FBXL17: variants seen among roughly 807,000 people sequenced by gnomAD.
FBXL17 encodes F-box and leucine rich repeat protein 17, also known as F-box/LRR-repeat protein 17.
In FBXL17, 22 loss-of-function variants were observed where a neutral mutation model predicts 66.2. The observed-to-expected ratio is 0.33, with a 90% confidence interval of 0.24 to 0.47. The LOEUF (loss-of-function observed/expected upper bound fraction) is 0.47, where lower values mean the gene tolerates loss of function less well. Among genes scored for constraint, FBXL17 ranks in the 20% least tolerant of loss-of-function variants. The probability of loss-of-function intolerance (pLI) is 1.00; values close to 1 mark genes in which losing one functional copy is unlikely to be tolerated. For synonymous variants in FBXL17, 474 were observed against 400.5 expected, an observed-to-expected ratio of 1.18 and a Z score of -2.19; for missense variants, 878 against 948.2, an observed-to-expected ratio of 0.93 and a Z score of 0.97.
At chr5:108,231,193 C>T (rs1347310036) in intron 4 of FBXL17, among the ~76,000 whole-genome samples, 1 of 151,970 alleles carries the variant, frequency 6.6e-6, no homozygotes, top group Admixed American at 6.6e-5. Context: ...CCATAAAATC[C>T]ATCCATTTTG....
chr5:107,881,495 TACA>T (rs1748788857), intron 7 of FBXL17, among the ~76,000 whole-genome samples: 1 of 152,138 alleles, frequency 6.6e-6, no homozygotes, highest in African/African-American at 2.4e-5. Context: ...GTATTACAGA[TACA>T]ACATTTAAAA....
At chr5:108,002,092 T>C (rs1164662172) in intron 7 of FBXL17, among the ~76,000 whole-genome samples, 1 of 151,910 alleles carries the variant, frequency 6.6e-6, no homozygotes, top group East Asian at 1.9e-4. Context: ...CTCAGCTCAC[T>C]GCAACCTCCG....
chr5:107,883,300 G>T (rs111367208), intron 7 of FBXL17, among the ~76,000 whole-genome samples: 3 of 152,190 alleles, frequency 2.0e-5, no homozygotes, highest in Admixed American at 6.5e-5. Flanking sequence ...GTAAGTGGGG[G>T]AGTGGATTTT....
chr5:108,281,094 T>G (rs1163664578), intron 4 of FBXL17, among the ~76,000 whole-genome samples: 1 of 151,748 alleles, frequency 6.6e-6, no homozygotes, highest in Admixed American at 6.6e-5. Context: ...AACACCCTAC[T>G]CACAGTATTA....
intron 7 of FBXL17, among the ~76,000 whole-genome samples, chr5:107,934,228 A>C (rs1007988124): frequency 2.6e-5 from 4 of 152,154 alleles, no homozygotes; most frequent in Admixed American, 1.3e-4. Context: ...AGTTTGACCA[A>C]AATTCTATCT....
At chr5:108,297,235 A>G (rs1449537295) in intron 4 of FBXL17, among the ~76,000 whole-genome samples, 4 of 151,698 alleles carry the variant, frequency 2.6e-5, no homozygotes, top group Non-Finnish European at 5.9e-5. Flanking sequence ...CTTAAACAGT[A>G]AAGGTAATAA....
At chr5:108,275,286 C>T (rs1438466109) in intron 4 of FBXL17, among the ~76,000 whole-genome samples, 1 of 152,102 alleles carries the variant, frequency 6.6e-6, no homozygotes, top group Non-Finnish European at 1.5e-5. Flanking sequence ...GGTCAAAGAG[C>T]TAGTTAAGAT....
intron 6 of FBXL17, among the ~76,000 whole-genome samples, chr5:108,091,935 G>C (rs189945038): frequency 6.6e-6 from 1 of 152,186 alleles, no homozygotes; most frequent in Non-Finnish European, 1.5e-5. Context: ...TTTAGTAACA[G>C]TAAAATAATA....
intron 4 of FBXL17, among the ~76,000 whole-genome samples, chr5:108,315,110 G>C (rs1011509198): frequency 1.2e-4 from 18 of 150,770 alleles, no homozygotes; most frequent in Admixed American, 6.6e-5. Flanking sequence ...AACCTCATTA[G>C]AAAATAAAGA....
At chr5:108,363,530 TC>T (rs1461111412) in intron 3 of FBXL17, among the ~76,000 whole-genome samples, 1 of 151,992 alleles carries the variant, frequency 6.6e-6, no homozygotes, top group Non-Finnish European at 1.5e-5. Context: ...GAAGGAAACA[TC>T]TAAGTAACAG....
intron 6 of FBXL17, among the ~76,000 whole-genome samples, chr5:108,179,327 A>C (rs954937658): frequency 2.0e-5 from 3 of 152,302 alleles, no homozygotes; most frequent in South Asian, 2.1e-4. Flanking sequence ...AGCCACGTTG[A>C]GTTTTACATG....
intron 6 of FBXL17, among the ~76,000 whole-genome samples, chr5:108,024,243 C>A (rs1754709655): frequency 6.6e-6 from 1 of 152,080 alleles, no homozygotes; most frequent in Non-Finnish European, 1.5e-5. Flanking sequence ...AAGAAAAATT[C>A]ATAACATGGG....
chr5:107,935,444 C>T (rs1295393504), intron 7 of FBXL17, among the ~76,000 whole-genome samples: 7 of 131,852 alleles, frequency 5.3e-5, no homozygotes, highest in East Asian at 2.4e-4. Context: ...TGTATGTGTG[C>T]GCGCCTTATC....
chr5:108,033,051 AC>A (rs1437654512), intron 6 of FBXL17, among the ~76,000 whole-genome samples: 3 of 152,184 alleles, frequency 2.0e-5, no homozygotes, highest in African/African-American at 7.2e-5. Flanking sequence ...AAAACTTGAA[AC>A]TTTTTTAGAA....
chr5:107,969,521 T>A (rs539714501), intron 7 of FBXL17, among the ~76,000 whole-genome samples: 20 of 152,296 alleles, frequency 1.3e-4, no homozygotes, highest in African/African-American at 4.6e-4. Flanking sequence ...CCAAAATTAT[T>A]CACTGGCAGA....
rs78679892 is a variant in FBXL17, at chr5:108,144,048, G to A, written c.1745+42069C>T. On this transcript the variant is annotated intron_variant, in intron 6 of 8. Transcript: ENST00000542267. Reference sequence around the variant, plus strand: ...ATACAATAGCAACTCACATTTATATGATGATGGCAGAACAAAGGAAGGGTG... The same window carrying A: ...ATACAATAGCAACTCACATTTATATAATGATGGCAGAACAAAGGAAGGGTG... Among the ~76,000 whole-genome samples the A allele has an allele frequency of 9.2e-3, 1,405 of 152,122 alleles. 11 individuals are homozygous for A. Among genetic ancestry groups the A allele is most frequent in the Non-Finnish European group, 0.014 (963 of 67,998 alleles).
chr5:108,250,043 T>C (rs748549316), intron 4 of FBXL17, among the ~76,000 whole-genome samples: 22 of 152,164 alleles, frequency 1.4e-4, no homozygotes, highest in Admixed American at 5.9e-4. Flanking sequence ...AGAGCCCATA[T>C]AAATCTCTTC....
Position 108,076,813 on chromosome 5 carries a change from G to C in FBXL17, c.1746-55812C>G, listed in dbSNP as rs377417583. On this transcript the variant is annotated intron_variant, in intron 6 of 8. Coordinates refer to ENST00000542267, the MANE Select transcript of FBXL17 (RefSeq NM_001163315.3). ...TTACCACCTATTCCCTCTGAGGGAG[G>C]CTTCATCTACATAATGAAGGCATTT... 2.6e-5 allele frequency among the ~76,000 whole-genome samples: 4 copies of C among 152,132 alleles called. No individual in the cohort carries two copies. In the East Asian group the frequency reaches 5.8e-4, roughly 22 times the overall value.
chr5:108,188,239 T>C (rs1383604325), intron 5 of FBXL17, among the ~76,000 whole-genome samples: 1 of 152,166 alleles, frequency 6.6e-6, no homozygotes, highest in African/African-American at 2.4e-5. Context: ...CAATGCTCTC[T>C]GAAGCATGCT....
Sources: allele counts gnomAD v4.1 joint callset (sites outside exome capture counted in the v4.1 genomes callset), GRCh38; gene constraint gnomAD v4.1.1; transcripts MANE v1.5; gene names NCBI Gene and HGNC (gene_info 2026-07-23, HGNC 2026-07-21).